The following MAGI1 variants were observed in gnomAD, a reference collection of about 807,000 sequenced individuals.
MAGI1 encodes membrane-associated guanylate kinase, WW and PDZ domain-containing protein 1.
A neutral mutation model predicts 139.9 loss-of-function variants in MAGI1; 58 were observed. The ratio of observed to expected loss-of-function variants is 0.41; its 90% CI spans 0.34 to 0.52. The LOEUF (loss-of-function observed/expected upper bound fraction) is 0.52. MAGI1 is among the 20% of genes least tolerant of loss of function. The pLI, the probability that MAGI1 is intolerant of heterozygous loss-of-function variation, is 0.12. For synonymous variants in MAGI1, 812 were observed against 737.9 expected (o/e 1.10, Z -1.63); for missense variants, 1,874 against 1,901.6 (o/e 0.99, Z 0.27).
chr3:65,989,650 G>C (rs766194911), intron 1 of MAGI1, among the ~76,000 whole-genome samples: 1 of 152,168 alleles, frequency 6.6e-6, no homozygotes, highest in Non-Finnish European at 1.5e-5. Context: ...TGATCCTCCT[G>C]CCTCAGCCTC....
chr3:65,585,968 G>A (rs1043255079), intron 2 of MAGI1, among the ~76,000 whole-genome samples: 5 of 152,154 alleles, frequency 3.3e-5, no homozygotes, highest in Admixed American at 3.3e-4. Context: ...AGTACTTTGG[G>A]AGGCTGAAGC....
intron 1 of MAGI1, among the ~76,000 whole-genome samples, chr3:65,741,333 C>T (rs1342906323): frequency 6.6e-6 from 1 of 152,098 alleles, no homozygotes; most frequent in Admixed American, 6.5e-5. Context: ...CGCCACCACG[C>T]TTGGCTAATT....
chr3:65,954,939 C>G (rs772852652), intron 1 of MAGI1, among the ~76,000 whole-genome samples: 1 of 152,138 alleles, frequency 6.6e-6, no homozygotes, highest in Non-Finnish European at 1.5e-5. Context: ...AGAGGTACAA[C>G]TGTTACCTCC....
rs72908160 is a variant in MAGI1 at position 65,687,994 on chromosome 3, G to C, written c.314-65906C>G. 3.0e-3 allele frequency: 2,482 copies of C among 827,142 alleles called. 45 individuals are homozygous for C. In the African/African-American group the frequency reaches 0.038, roughly 13 times the overall value. 51.2% of individuals were successfully genotyped at this position (827,142 alleles called of 1,614,324 possible). Reference sequence around the variant, plus strand: ...ATCATCAGACTACTGAAGGACTTGAGGGTTTCGTTTTCCTGGCTTTGAGCC... The same window carrying C: ...ATCATCAGACTACTGAAGGACTTGACGGTTTCGTTTTCCTGGCTTTGAGCC... On this transcript the variant is annotated intron_variant, in intron 1 of 22. Transcript: ENST00000402939.
intron 1 of MAGI1, among the ~76,000 whole-genome samples, chr3:65,624,133 G>A (rs986548520): frequency 1.3e-5 from 2 of 152,160 alleles, no homozygotes; most frequent in African/African-American, 4.8e-5. Flanking sequence ...TCAAGTGTTG[G>A]CAAGGTTGTA....
intron 13 of MAGI1, among the ~76,000 whole-genome samples, chr3:65,393,919 C>T (rs925547444): frequency 3.3e-5 from 5 of 152,172 alleles, no homozygotes; most frequent in African/African-American, 7.2e-5. Context: ...CAAACCTTTT[C>T]CACTTGATTC....
chr3:65,484,666 C>A (rs1178102479), intron 3 of MAGI1, among the ~76,000 whole-genome samples: 1 of 152,130 alleles, frequency 6.6e-6, no homozygotes, highest in Non-Finnish European at 1.5e-5. Flanking sequence ...TCTGACCTCA[C>A]TGGTTGCCTT....
chr3:65,717,865 C>G (rs540661198), intron 1 of MAGI1, among the ~76,000 whole-genome samples: 1 of 152,128 alleles, frequency 6.6e-6, no homozygotes, highest in Middle Eastern at 3.2e-3. Flanking sequence ...TCCCCTAGGG[C>G]CAAAAGTGCT....
chr3:65,796,060 A>C (rs1220205605), intron 1 of MAGI1, among the ~76,000 whole-genome samples: 4 of 148,896 alleles, frequency 2.7e-5, no homozygotes, highest in Non-Finnish European at 1.5e-5. Flanking sequence ...CAAAAAAAAA[A>C]AAAAAAAAAA....
intron 2 of MAGI1, among the ~76,000 whole-genome samples, chr3:65,552,355 GA>G (rs1209925374): frequency 2.6e-5 from 4 of 151,992 alleles, no homozygotes; most frequent in Non-Finnish European, 2.9e-5. Context: ...AGGGGAGTGG[GA>G]AAATGAGAAT....
chr3:65,871,068 A>C (rs1559962866), intron 1 of MAGI1, among the ~76,000 whole-genome samples: 1 of 152,038 alleles, frequency 6.6e-6, no homozygotes, highest in Non-Finnish European at 1.5e-5. Flanking sequence ...CCTCCTGAGA[A>C]GCTGGAACTA....
chr3:65,967,530 C>G (rs920129677), intron 1 of MAGI1, among the ~76,000 whole-genome samples: 2 of 152,180 alleles, frequency 1.3e-5, no homozygotes, highest in African/African-American at 4.8e-5. Flanking sequence ...CAACTGGGGC[C>G]AATGGCTGAG....
intron 1 of MAGI1, among the ~76,000 whole-genome samples, chr3:65,807,650 C>CTTTGAACA (rs2040947195): frequency 6.6e-6 from 1 of 152,120 alleles, no homozygotes; most frequent in Non-Finnish European, 1.5e-5. Flanking sequence ...ACCCAGCAAC[C>CTTTGAACA]GGCTATTCCA....
intron 1 of MAGI1, among the ~76,000 whole-genome samples, chr3:65,845,111 T>A (rs776424569): frequency 6.6e-6 from 1 of 151,746 alleles, no homozygotes; most frequent in African/African-American, 2.4e-5. Context: ...CTTAGCTGGG[T>A]GTGGTGGTGC....
chr3:65,361,012 T>C (rs1940802355), intron 22 of MAGI1, 187 bp downstream of exon 22: 1 of 1,471,424 alleles, frequency 6.8e-7, no homozygotes, highest in Admixed American at 2.5e-5. Context: ...CCAGTCCACG[T>C]AAGCAAGCAA....
chr3:65,979,940 G>A (rs2065479503), intron 1 of MAGI1, among the ~76,000 whole-genome samples: 2 of 152,182 alleles, frequency 1.3e-5, no homozygotes, highest in Admixed American at 1.3e-4. Flanking sequence ...TGATTAAAGA[G>A]GAACTGGCCT....
chr3:65,814,301 A>T (rs2041466022), intron 1 of MAGI1, among the ~76,000 whole-genome samples: 1 of 152,130 alleles, frequency 6.6e-6, no homozygotes, highest in African/African-American at 2.4e-5. Flanking sequence ...ATTAGTTGAG[A>T]TGATGCATGT....
chr3:65,530,429 T>C (rs941390241), intron 2 of MAGI1, among the ~76,000 whole-genome samples: 1 of 151,672 alleles, frequency 6.6e-6, no homozygotes, highest in Non-Finnish European at 1.5e-5. Context: ...GCCTGGGCAA[T>C]GTAATGAGAC....
chr3:65,378,029 C>T (rs1308288590), intron 17 of MAGI1, among the ~76,000 whole-genome samples: 1 of 152,200 alleles, frequency 6.6e-6, no homozygotes, highest in Non-Finnish European at 1.5e-5. Context: ...GAAAAGCCCA[C>T]ACAGCCTGCA....
Sources: gnomAD v4.1 joint callset for allele counts (sites outside exome capture counted in the v4.1 genomes callset) on GRCh38, gnomAD v4.1.1 for gene constraint, MANE v1.5 for transcripts, NCBI Gene and HGNC (gene_info 2026-07-23, HGNC 2026-07-21) for gene names.